Variants in BOC observed in about 807,000 individuals in gnomAD.
BOC encodes brother of CDO.
In BOC, 76 loss-of-function variants were observed where a neutral mutation model predicts 112.0. The ratio of observed to expected loss-of-function variants is 0.68; its 90% confidence interval spans 0.56 to 0.82. BOC has a LOEUF of 0.82. Among genes scored for constraint, BOC ranks in the 40% least tolerant of loss-of-function variants. The pLI is 0.00. For synonymous variants in BOC, 580 were observed against 599.8 expected, an observed-to-expected ratio of 0.97 and a Z score of 0.48; for missense variants, 1,309 against 1,511.7, an observed-to-expected ratio of 0.87 and a Z score of 2.22.
At chr3:113,228,066 T>C (rs1941963086) in intron 2 of BOC, among the ~76,000 whole-genome samples, 1 of 152,236 alleles carries the variant, frequency 6.6e-6, no homozygotes, top group African/African-American at 2.4e-5. Flanking sequence ...TCCCTGGTGC[T>C]CTGAGATGTT....
At chr3:113,216,379 A>G (rs1939374387) in intron 2 of BOC, 105 bp downstream of exon 2, 1 of 425,052 alleles carries the variant, frequency 2.4e-6, no homozygotes, top group Non-Finnish European at 4.8e-6. Flanking sequence ...ATCCTCAAGT[A>G]TTGGGAGTCC....
At chr3:113,260,544 G>C (rs1239577050) in intron 4 of BOC, among the ~76,000 whole-genome samples, 4 of 152,178 alleles carry the variant, frequency 2.6e-5, no homozygotes, top group African/African-American at 9.7e-5. Flanking sequence ...GTTCCATGGT[G>C]GTGCATGGCC....
rs1949768917 is a variant in BOC, at chr3:113,287,230, G to A, written c.*368G>A. The A allele has an allele frequency of 2.7e-6, 1 of 366,026 alleles. No homozygotes were observed. The allele number at this position is 366,026 out of a possible 1,614,324, so 22.7% of individuals were successfully genotyped here. A position where few individuals can be genotyped will look rare whatever the true frequency, so the allele number is the denominator to read the frequency against. ...GGCACATGGTTCATCACGAGCATGA[G>A]GGAACAGCAAGGGGCACGGTATCAC... On this transcript the variant is annotated 3_prime_UTR_variant, in exon 20 of 20. Coordinates refer to ENST00000682979, the MANE Select transcript of BOC (RefSeq NM_001378074.1).
rs751405267 is a variant in BOC, at chr3:113,284,580, T to C, written c.2889+13T>C. The C allele has an allele frequency of 3.7e-6, 6 of 1,605,564 alleles. No individual in the cohort carries two copies. The highest frequency in any genetic ancestry group is 4.5e-5 in the East Asian group (2 of 44,366). The stretch of plus-strand genomic sequence containing the variant: ...CGAGCTTCAGCAGGTAGCGCATTCT[T>C]GGGTGTGGGCGGCAGGTATGGGACA... On this transcript the variant is annotated intron_variant, in intron 17 of 19. Coordinates refer to ENST00000682979, the MANE Select transcript of BOC (RefSeq NM_001378074.1).
intron 2 of BOC, among the ~76,000 whole-genome samples, chr3:113,230,376 T>C (rs1353210846): frequency 6.6e-6 from 1 of 152,228 alleles, no homozygotes; most frequent in Non-Finnish European, 1.5e-5. Context: ...CAGACTTACT[T>C]TGTTTTCTGC....
chr3:113,229,104 C>T (rs1184645540), intron 2 of BOC, among the ~76,000 whole-genome samples: 1 of 152,178 alleles, frequency 6.6e-6, no homozygotes, highest in Non-Finnish European at 1.5e-5. Context: ...GGCTGCAGCT[C>T]TGAGGTGGGG....
intron 9 of BOC, among the ~76,000 whole-genome samples, chr3:113,276,223 C>T (rs570124133): frequency 1.9e-3 from 283 of 152,298 alleles, no homozygotes; most frequent in Non-Finnish European, 3.5e-3. Context: ...AATAGGTGGC[C>T]GTGAAGCAGC....
chr3:113,278,078 C>G lies in BOC; in HGVS notation c.1543-17C>G, dbSNP rs1223947533. Reference sequence around the variant, plus strand: ...CGAGGCTGAGATGCCGGTCTTTATACCAGCTACCTTCTCCAGCAGGTCACA... The same window carrying G: ...CGAGGCTGAGATGCCGGTCTTTATAGCAGCTACCTTCTCCAGCAGGTCACA... On this transcript the variant is annotated splice_polypyrimidine_tract_variant and intron_variant, in intron 9 of 19. Coordinates refer to ENST00000682979, the MANE Select transcript of BOC (RefSeq NM_001378074.1). The surrounding 1 kb of genome is among the most constrained non-coding windows in gnomAD (Gnocchi z 4.2). The G allele has an allele frequency of 1.9e-6, 3 of 1,613,848 alleles. No homozygotes were observed. The African/African-American group carries it at 4.0e-5, about 22-fold the overall frequency.
At chr3:113,235,214 G>A (rs1943261089) in intron 2 of BOC, among the ~76,000 whole-genome samples, 1 of 152,182 alleles carries the variant, frequency 6.6e-6, no homozygotes, top group Admixed American at 6.5e-5. Flanking sequence ...CCTAAAGGTT[G>A]GGAAGTAGAT....
chr3:113,235,591 G>T (rs889935666), intron 2 of BOC, among the ~76,000 whole-genome samples: 8 of 152,132 alleles, frequency 5.3e-5, no homozygotes, highest in Non-Finnish European at 1.2e-4. Flanking sequence ...AGTGCAGAGA[G>T]GGCATAAGTG....
At chr3:113,275,679 T>C (rs917126618) in intron 9 of BOC, among the ~76,000 whole-genome samples, 1 of 152,198 alleles carries the variant, frequency 6.6e-6, no homozygotes, top group African/African-American at 2.4e-5. Context: ...AGCATATGAA[T>C]GTGGAATTAA....
intron 2 of BOC, among the ~76,000 whole-genome samples, chr3:113,241,539 T>TC (rs1944295720): frequency 6.6e-6 from 1 of 151,756 alleles, no homozygotes; most frequent in African/African-American, 2.4e-5. Context: ...CCTCTCTAGA[T>TC]TAGAACTCTC....
chr3:113,229,172 G>A (rs1942188892), intron 2 of BOC, among the ~76,000 whole-genome samples: 1 of 152,208 alleles, frequency 6.6e-6, no homozygotes, highest in Non-Finnish European at 1.5e-5. Flanking sequence ...CCTTCGGGAA[G>A]GCCAGGAGCT....
At chr3:113,233,148 G>GGGGGGGGGTGT (rs75678874) in intron 2 of BOC, among the ~76,000 whole-genome samples, 2 of 123,960 alleles carry the variant, frequency 1.6e-5, no homozygotes, top group African/African-American at 6.2e-5. Flanking sequence ...AAAGGATTGG[G>GGGGGGGGGTGT]GTGTGTGTGT....
At chr3:113,281,735 G>A (rs1949219607) in intron 15 of BOC, among the ~76,000 whole-genome samples, 1 of 152,242 alleles carries the variant, frequency 6.6e-6, no homozygotes, top group African/African-American at 2.4e-5. Flanking sequence ...TAAAGCAGTT[G>A]TATTGCAAAG....
chr3:113,272,380 CT>C, intron 6 of BOC, 29 bp from the exon 7 acceptor site: 1 of 1,606,050 alleles, frequency 6.2e-7, no homozygotes, highest in Non-Finnish European at 8.5e-7. Context: ...GTCCACACGC[CT>C]TCTGTCCTTG....
chr3:113,276,641 A>G (rs1323926232), intron 9 of BOC, among the ~76,000 whole-genome samples: 1 of 152,182 alleles, frequency 6.6e-6, no homozygotes, highest in Non-Finnish European at 1.5e-5. Flanking sequence ...GGGATTGGGA[A>G]TCATTCAGCT....
intron 2 of BOC, among the ~76,000 whole-genome samples, chr3:113,242,523 G>A (rs1329540489): frequency 2.0e-5 from 3 of 151,958 alleles, no homozygotes; most frequent in African/African-American, 7.3e-5. Flanking sequence ...GCTTCTCCTC[G>A]GAGAGGTTCC....
chr3:113,274,754 T>C lies in BOC; in HGVS notation c.1542+72T>C. 1.4e-6 allele frequency: 2 copies of C among 1,446,642 alleles called. No individual in the cohort carries two copies. Among genetic ancestry groups the C allele is most frequent in the Non-Finnish European group, 1.9e-6 (2 of 1,073,336 alleles). The allele number at this position is 1,446,642 out of a possible 1,614,324, so 89.6% of individuals were successfully genotyped here. A position where few individuals can be genotyped will look rare whatever the true frequency, so the allele number is the denominator to read the frequency against. On this transcript the variant is annotated intron_variant, in intron 9 of 19. Coordinates refer to ENST00000682979, the MANE Select transcript of BOC (RefSeq NM_001378074.1). The surrounding 1 kb of genome is among the most constrained non-coding windows in gnomAD (Gnocchi z 4.8). ...AGCAAGGCTGAGCAGAGTCACTGTC[T>C]CTTGGCCATCTCCCCTTGAGCTCCT...
Sources: gnomAD v4.1 joint callset for allele counts (sites outside exome capture counted in the v4.1 genomes callset) on GRCh38, gnomAD v4.1.1 for gene constraint, Gnocchi (gnomAD v3.1) non-coding constraint, MANE v1.5 for transcripts, NCBI Gene and HGNC (gene_info 2026-07-23, HGNC 2026-07-21) for gene names.